PARD3: variants seen among roughly 807,000 people sequenced by gnomAD.
The protein encoded by PARD3 is par-3 family cell polarity regulator.
PARD3 carries 75 observed loss-of-function variants against 155.4 expected under a neutral mutation model. The ratio of observed to expected loss-of-function variants is 0.48; its 90% CI spans 0.40 to 0.58. PARD3 has a LOEUF of 0.58. PARD3 is among the 20% of genes least tolerant of loss of function. PARD3 has a pLI of 0.00. For missense variants in PARD3, 1,642 were observed against 1,721.7 expected, an observed-to-expected ratio of 0.95 and a Z score of 0.82; for synonymous variants, 576 against 610.5, an observed-to-expected ratio of 0.94 and a Z score of 0.83.
chr10:34,541,907 C>T (rs1009194654), intron 2 of PARD3, among the ~76,000 whole-genome samples: 1 of 151,952 alleles, frequency 6.6e-6, no homozygotes, highest in Non-Finnish European at 1.5e-5. Context: ...GACAGGGTCT[C>T]ACTCTGTGGC....
intron 5 of PARD3, among the ~76,000 whole-genome samples, chr10:34,428,027 C>A (rs932687441): frequency 9.2e-5 from 14 of 152,122 alleles, no homozygotes; most frequent in African/African-American, 3.1e-4. Context: ...GACCAAGGCT[C>A]TTGCAAGGTG....
intron 1 of PARD3, among the ~76,000 whole-genome samples, chr10:34,701,759 T>C (rs780574409): frequency 4.6e-5 from 7 of 152,108 alleles, no homozygotes; most frequent in Non-Finnish European, 8.8e-5. Context: ...CACCAACGTG[T>C]GGTGGTGTGC....
At chr10:34,519,889 AG>A (rs2082035289) in intron 2 of PARD3, among the ~76,000 whole-genome samples, 1 of 145,896 alleles carries the variant, frequency 6.9e-6, no homozygotes, top group Non-Finnish European at 1.5e-5. Flanking sequence ...ACATAAAAAT[AG>A]AAAATAAATC....
intron 22 of PARD3, among the ~76,000 whole-genome samples, chr10:34,240,803 C>T (rs1372489317): frequency 6.6e-6 from 1 of 152,022 alleles, no homozygotes; most frequent in Non-Finnish European, 1.5e-5. Flanking sequence ...CAGTCCCTCC[C>T]ACCAAGCAGA....
rs565538273 is a variant in PARD3, at chr10:34,644,891, T to C, written c.222+51427A>G. 2.0e-5 allele frequency among the ~76,000 whole-genome samples: 3 copies of C among 152,370 alleles called. No individual in the cohort carries two copies. The South Asian group carries it at 6.2e-4, about 32-fold the overall frequency. On this transcript the variant is annotated intron_variant, in intron 2 of 24. Transcript: ENST00000374788. ...ATTTTAGAAATAGGGTCTTACTCTGTCGCCCAGGCTGGAGTGCAATGATGA... is the reference window on the plus strand; with the variant it reads ...ATTTTAGAAATAGGGTCTTACTCTGCCGCCCAGGCTGGAGTGCAATGATGA...
intron 22 of PARD3, among the ~76,000 whole-genome samples, chr10:34,192,325 T>C (rs1013711253): frequency 6.6e-6 from 1 of 152,126 alleles, no homozygotes; most frequent in African/African-American, 2.4e-5. Context: ...CTCAAACTCC[T>C]GGGTTCAAGA....
chr10:34,227,854 TTTTATATATATA>T (rs1387197937), intron 22 of PARD3, among the ~76,000 whole-genome samples: 344 of 26,506 alleles, frequency 0.013, 30 homozygotes, highest in African/African-American at 0.025. Flanking sequence ...GGGAATTATT[TTTTATATATATA>T]TATATATATA....
intron 2 of PARD3, among the ~76,000 whole-genome samples, chr10:34,600,318 C>G (rs1325162753): frequency 6.6e-6 from 1 of 151,792 alleles, no homozygotes; most frequent in Non-Finnish European, 1.5e-5. Flanking sequence ...GCACTCCAGC[C>G]TGGGCGACAG....
At chr10:34,145,764 GTTGT>G (rs1948478011) in intron 22 of PARD3, among the ~76,000 whole-genome samples, 1 of 151,968 alleles carries the variant, frequency 6.6e-6, no homozygotes, top group African/African-American at 2.4e-5. Flanking sequence ...ACAAACAAAC[GTTGT>G]TTGTTTTGGA....
intron 22 of PARD3, among the ~76,000 whole-genome samples, chr10:34,166,053 C>G (rs1393420070): frequency 1.3e-5 from 2 of 152,146 alleles, no homozygotes; most frequent in Non-Finnish European, 2.9e-5. Flanking sequence ...CTTTCTTTCC[C>G]TAAACCTTCC....
intron 5 of PARD3, among the ~76,000 whole-genome samples, chr10:34,430,000 G>A (rs1357737921): frequency 6.6e-6 from 1 of 152,160 alleles, no homozygotes; most frequent in Non-Finnish European, 1.5e-5. Context: ...AAAGTGCTAA[G>A]ATTATAGGAA....
chr10:34,150,994 C>G (rs918526482), intron 22 of PARD3, among the ~76,000 whole-genome samples: 1 of 152,180 alleles, frequency 6.6e-6, no homozygotes, highest in Non-Finnish European at 1.5e-5. Flanking sequence ...TTGTATCCTT[C>G]TCTTGACCAA....
chr10:34,142,732 C>T (rs1948259124), intron 22 of PARD3, among the ~76,000 whole-genome samples: 2 of 152,082 alleles, frequency 1.3e-5, no homozygotes, highest in South Asian at 4.1e-4. Flanking sequence ...ATGGTTAATG[C>T]CCAAAGTGCA....
chr10:34,702,522 C>T (rs535750928), intron 1 of PARD3, among the ~76,000 whole-genome samples: 44 of 152,296 alleles, frequency 2.9e-4, no homozygotes, highest in Admixed American at 2.0e-3. Flanking sequence ...CAGGCTCAGA[C>T]AGCAGGTCTG....
At chr10:34,631,389 C>T (rs976467040) in intron 2 of PARD3, among the ~76,000 whole-genome samples, 1 of 152,084 alleles carries the variant, frequency 6.6e-6, no homozygotes, top group Admixed American at 6.6e-5. Context: ...ATTCTCAAGG[C>T]CAAGTCATCA....
At chr10:34,152,149 T>C (rs1420999460) in intron 22 of PARD3, among the ~76,000 whole-genome samples, 1 of 152,182 alleles carries the variant, frequency 6.6e-6, no homozygotes, top group African/African-American at 2.4e-5. Context: ...TCTTATGTGA[T>C]TTTTCACAAG....
Position 34,787,333 on chromosome 10 carries a change from C to T in PARD3, c.120+27543G>A, listed in dbSNP as rs545066014. ...GGCGAAGGTTGCAGTGAGCCAAGAT[C>T]GCGCCACTGCACTCCAGCCTGGGCA... On this transcript the variant is annotated intron_variant, in intron 1 of 24. Transcript: ENST00000374788. 1.1e-4 allele frequency among the ~76,000 whole-genome samples: 17 copies of T among 152,274 alleles called. No individual in the cohort carries two copies. In the East Asian group the frequency reaches 2.7e-3, roughly 24 times the overall value.
At chr10:34,154,001 G>A (rs901971988) in intron 22 of PARD3, among the ~76,000 whole-genome samples, 13 of 152,230 alleles carry the variant, frequency 8.5e-5, no homozygotes, top group Middle Eastern at 6.8e-3. Context: ...TACCACTAGC[G>A]GCATTGAAGT....
chr10:34,129,700 C>CTTTTTTTTTTTTTTTTTTTTTTTTT (rs1209547388), intron 23 of PARD3, among the ~76,000 whole-genome samples: 4 of 82,986 alleles, frequency 4.8e-5, no homozygotes, highest in African/African-American at 1.8e-4. Context: ...TGTCAAGCCT[C>CTTTTTTTTTTTTTTTTTTTTTTTTT]TTTTTTTTTT....
Sources: gnomAD v4.1 joint callset for allele counts (sites outside exome capture counted in the v4.1 genomes callset) on GRCh38, gnomAD v4.1.1 for gene constraint, MANE v1.5 for transcripts, NCBI Gene and HGNC (gene_info 2026-07-23, HGNC 2026-07-21) for gene names.